SLC1A7: variants seen among roughly 807,000 people sequenced by gnomAD.
The protein encoded by SLC1A7 is solute carrier family 1 member 7.
In SLC1A7, 40 loss-of-function variants were observed where a neutral mutation model predicts 47.7. The ratio of observed to expected loss-of-function variants is 0.84; its 90% CI spans 0.65 to 1.09. The LOEUF (loss-of-function observed/expected upper bound fraction) is 1.09, where lower values mean the gene tolerates loss of function less well. Among genes scored for constraint, SLC1A7 ranks in the 50% least tolerant of loss-of-function variants. SLC1A7 has a pLI of 0.00. For missense variants in SLC1A7, 746 were observed against 769.5 expected (o/e 0.97, Z 0.36); for synonymous variants, 323 against 325.6 (o/e 0.99, Z 0.09).
intron 2 of SLC1A7, among the ~76,000 whole-genome samples, chr1:53,124,249 AACACAC>A (rs67205575): frequency 0.035 from 243 of 6,976 alleles, no homozygotes; most frequent in Admixed American, 0.042. Context: ...ATACATACAC[AACACAC>A]ACACACACAC....
intron 7 of SLC1A7, 62 bp from the exon 8 acceptor site, chr1:53,090,868 C>T (rs544579708): frequency 3.7e-5 from 57 of 1,556,570 alleles, no homozygotes; most frequent in African/African-American, 1.6e-4. Flanking sequence ...GGGCCTCTGT[C>T]GGGAAGCTCA....
chr1:53,113,504 T>C (rs1186913482), intron 3 of SLC1A7, among the ~76,000 whole-genome samples: 3 of 152,072 alleles, frequency 2.0e-5, no homozygotes, highest in Admixed American at 6.5e-5. Context: ...GAAATCTTCA[T>C]GCTGGGTGAT....
At chr1:53,139,655 C>T (rs964256065) in intron 1 of SLC1A7, among the ~76,000 whole-genome samples, 4 of 152,264 alleles carry the variant, frequency 2.6e-5, no homozygotes, top group Admixed American at 2.6e-4. Flanking sequence ...GCAAGACAAA[C>T]TGACTTGGTA....
chr1:53,124,240 T>C (rs1173934919), intron 2 of SLC1A7, among the ~76,000 whole-genome samples: 1 of 5,462 alleles, frequency 1.8e-4, no homozygotes, highest in African/African-American at 4.0e-4. Flanking sequence ...AGGAAAACAA[T>C]ACATACACAA....
At chr1:53,125,366 G>A (rs2150340280) in intron 2 of SLC1A7, among the ~76,000 whole-genome samples, 1 of 152,300 alleles carries the variant, frequency 6.6e-6, no homozygotes, top group South Asian at 2.1e-4. Context: ...GAAGGGAGGA[G>A]CTGTTGTGGC....
rs1047262780 is a variant in SLC1A7 at position 53,088,921 on chromosome 1, C to T, written c.1420G>A (p.Ala474Thr). ...GCAAAATCCTTCCGACATATATGGG[C>T]CATGATCCCCGCTGCCAGCGCATCA... ...LGDALAAGIM[A>T]HICRKDFARD... Residue 474 changes from alanine (A) to threonine (T), a missense_variant, in exon 10 of 11, where the codon GCC becomes ACC. Transcript: ENST00000371494. The T allele has an allele frequency of 3.1e-6, 5 of 1,614,122 alleles. No homozygotes were observed. The highest frequency in any genetic ancestry group is 2.7e-5 in the African/African-American group (2 of 75,066).
chr1:53,095,497 C>T lies in SLC1A7; in HGVS notation c.698-1937G>A, dbSNP rs1016485651. 2.7e-5 allele frequency among the ~76,000 whole-genome samples: 4 copies of T among 149,492 alleles called. No homozygotes were observed. The East Asian group carries it at 6.0e-4, about 22-fold the overall frequency. On this transcript the variant is annotated intron_variant, in intron 5 of 10. Transcript: ENST00000371494. The stretch of plus-strand genomic sequence containing the variant: ...TTGCCTCAGTACATTCACACCGCCT[C>T]GGTACACTCACACACTCTGCCTCGT...
Position 53,122,964 on chromosome 1 carries a change from T to C in SLC1A7, c.216-7991A>G, listed in dbSNP as rs1044664532. Among the ~76,000 whole-genome samples the C allele has an allele frequency of 4.9e-4, 74 of 152,124 alleles. 1 individual carries two copies. The highest frequency in any genetic ancestry group is 1.6e-3 in the African/African-American group (65 of 41,522). ...GGCTCAGAGTGTGGGCGGTGGGTGCTGCTACCCTGGCATGCCCTGCTGCCC... is the reference window on the plus strand; with the variant it reads ...GGCTCAGAGTGTGGGCGGTGGGTGCCGCTACCCTGGCATGCCCTGCTGCCC... On this transcript the variant is annotated intron_variant, in intron 2 of 10. Transcript: ENST00000371494.
intron 3 of SLC1A7, among the ~76,000 whole-genome samples, chr1:53,112,699 A>G (rs1258827136): frequency 6.6e-6 from 1 of 152,214 alleles, no homozygotes; most frequent in East Asian, 1.9e-4. Context: ...AGCACTTCCA[A>G]TAGGGATATG....
intron 8 of SLC1A7, chr1:53,090,386 C>T: frequency 4.4e-6 from 3 of 689,062 alleles, no homozygotes; most frequent in Non-Finnish European, 6.9e-6. Flanking sequence ...GCGGCCTCTC[C>T]AAGGTCCTGA....
intron 2 of SLC1A7, among the ~76,000 whole-genome samples, chr1:53,127,038 G>GTTGTT (rs1644890155): frequency 2.0e-5 from 2 of 97,564 alleles, no homozygotes; most frequent in Non-Finnish European, 3.7e-5. Context: ...AATTTTAAAA[G>GTTGTT]TTTTTTTTTT....
chr1:53,089,940 G>T lies in SLC1A7; in HGVS notation c.1227-6C>A, dbSNP rs1385741237. ...TGGCTGCAGTGGCTGTGATACTGCA[G>T]GGGGTGGGAAGGGGAAGAGGAGCAG... is the stretch of plus-strand genomic sequence containing the variant. On this transcript the variant is annotated splice_polypyrimidine_tract_variant and splice_region_variant and intron_variant, in intron 8 of 10. Transcript: ENST00000371494. The T allele has an allele frequency of 1.9e-6, 3 of 1,612,912 alleles. No homozygotes were observed. Among genetic ancestry groups the T allele is most frequent in the Non-Finnish European group, 2.5e-6 (3 of 1,179,742 alleles).
intron 5 of SLC1A7, among the ~76,000 whole-genome samples, chr1:53,097,675 G>A (rs563435054): frequency 7.9e-4 from 98 of 123,834 alleles, no homozygotes; most frequent in Admixed American, 1.3e-3. Context: ...CAGTACACTC[G>A]CTCTGCCTCA....
At chr1:53,137,142 C>A (rs1180892904) in intron 1 of SLC1A7, among the ~76,000 whole-genome samples, 3 of 152,032 alleles carry the variant, frequency 2.0e-5, no homozygotes, top group Non-Finnish European at 4.4e-5. Context: ...CAAAAATTAG[C>A]TGGGCATGGT....
At chr1:53,120,951 A>T (rs536433175) in intron 2 of SLC1A7, among the ~76,000 whole-genome samples, 5 of 152,390 alleles carry the variant, frequency 3.3e-5, no homozygotes, top group African/African-American at 1.2e-4. Flanking sequence ...GCCCTTGGGC[A>T]TGTGACTGGG....
chr1:53,119,314 G>A (rs977439341), intron 2 of SLC1A7, among the ~76,000 whole-genome samples: 1 of 152,104 alleles, frequency 6.6e-6, no homozygotes. Context: ...TAACTCTGGT[G>A]GTGGGGGAAA....
chr1:53,122,147 G>A (rs1644833396), intron 2 of SLC1A7, among the ~76,000 whole-genome samples: 1 of 152,162 alleles, frequency 6.6e-6, no homozygotes, highest in Non-Finnish European at 1.5e-5. Flanking sequence ...TCCTGCTCTG[G>A]CAGGAACTAC....
intron 3 of SLC1A7, 95 bp downstream of exon 3, chr1:53,114,663 C>T (rs1050304052): frequency 2.0e-5 from 21 of 1,034,902 alleles, no homozygotes; most frequent in African/African-American, 6.3e-5. Flanking sequence ...TCCGTGATCA[C>T]CCCCATCTCC....
At chr1:53,137,422 A>ATATGGT (rs1433143004) in intron 1 of SLC1A7, among the ~76,000 whole-genome samples, 1 of 152,186 alleles carries the variant, frequency 6.6e-6, no homozygotes, top group Non-Finnish European at 1.5e-5. Context: ...TTTCTAGATA[A>ATATGGT]TATGGTCATA....
Sources: gnomAD v4.1 joint callset for allele counts (sites outside exome capture counted in the v4.1 genomes callset) on GRCh38, gnomAD v4.1.1 for gene constraint, MANE v1.5 for transcripts, NCBI Gene and HGNC (gene_info 2026-07-23, HGNC 2026-07-21) for gene names.